The following EML6 variants were observed in gnomAD, a reference collection of about 807,000 sequenced individuals.
EML6 encodes echinoderm microtubule-associated protein-like 6.
Under a neutral mutation model 240.1 loss-of-function variants are expected in EML6, and 154 were observed. That is an observed-to-expected ratio of 0.64 (90% CI 0.56 to 0.73). The LOEUF is 0.73. Ranked by LOEUF, EML6 falls within the 30% of genes least tolerant of loss-of-function variation. The pLI is 0.00. For synonymous variants in EML6, 1,148 were observed against 899.0 expected (o/e 1.28, Z -4.95); for missense variants, 2,964 against 2,474.6 (o/e 1.20, Z -4.20).
At chr2:54,907,244 C>G (rs1015508039) in intron 24 of EML6, among the ~76,000 whole-genome samples, 1 of 152,200 alleles carries the variant, frequency 6.6e-6, no homozygotes, top group Non-Finnish European at 1.5e-5. Flanking sequence ...GGTGCGGTGG[C>G]TCACACCTGT....
intron 2 of EML6, among the ~76,000 whole-genome samples, chr2:54,791,254 GCA>G (rs1669435440): frequency 6.6e-6 from 1 of 152,198 alleles, no homozygotes; most frequent in African/African-American, 2.4e-5. Context: ...GGAAGTGACG[GCA>G]CAGTTACAGT....
intron 31 of EML6, among the ~76,000 whole-genome samples, chr2:54,953,249 T>A (rs994657271): frequency 6.6e-6 from 1 of 152,202 alleles, no homozygotes; most frequent in Non-Finnish European, 1.5e-5. Context: ...ATTTTAGCTA[T>A]TGTTTTCCCT....
Position 54,847,505 on chromosome 2 carries a change from C to CA in EML6, c.1070dup (p.His357GlnfsTer8). Reference sequence around the variant, plus strand: ...GCCTAGGCTGTGGAGCCTGGCTGATCATGCCTTGATCGCCCGCTGTAACAT... The same window carrying CA: ...GCCTAGGCTGTGGAGCCTGGCTGATCAATGCCTTGATCGCCCGCTGTAACAT... On this transcript the variant is annotated frameshift_variant, in exon 9 of 42. Transcript: ENST00000356458. LOFTEE classifies it high-confidence loss of function. 6.4e-7 allele frequency: 1 copy of CA among 1,551,724 alleles called. No homozygotes were observed. Among genetic ancestry groups the CA allele is most frequent in the Non-Finnish European group, 8.7e-7 (1 of 1,147,042 alleles).
At chr2:54,857,139 G>T (rs903194075) in intron 11 of EML6, among the ~76,000 whole-genome samples, 1 of 152,186 alleles carries the variant, frequency 6.6e-6, no homozygotes, top group Non-Finnish European at 1.5e-5. Flanking sequence ...GTGCACATAA[G>T]GGGAAGAGGA....
chr2:54,799,687 C>G (rs1299518408), intron 2 of EML6, among the ~76,000 whole-genome samples: 4 of 152,122 alleles, frequency 2.6e-5, no homozygotes, highest in African/African-American at 9.7e-5. Flanking sequence ...TTTGTAGTTG[C>G]AACAGAGACC....
In EML6 at chr2:54,937,867, G is replaced by A. The variant is rs148216451; in HGVS notation, c.4004+9116G>A. On this transcript the variant is annotated intron_variant, in intron 28 of 41. Transcript: ENST00000356458. The stretch of plus-strand genomic sequence containing the variant: ...GTATTTAAATCATTATGGAATCTCT[G>A]ACTTCTACAAGAGTTGGGTCAATGA... Among the ~76,000 whole-genome samples, 15 of 152,262 alleles carry A rather than the reference G, an allele frequency of 9.9e-5. No homozygotes were observed. In the East Asian group the frequency reaches 2.7e-3, roughly 27 times the overall value.
chr2:54,820,289 T>C, intron 4 of EML6, 105 bp from the exon 5 acceptor site: 1 of 685,208 alleles, frequency 1.5e-6, no homozygotes, highest in South Asian at 1.8e-5. Flanking sequence ...GCAGGTAACA[T>C]TGTGTTCTAA....
At chr2:54,799,214 C>A (rs898523963) in intron 2 of EML6, among the ~76,000 whole-genome samples, 2 of 152,104 alleles carry the variant, frequency 1.3e-5, no homozygotes. Context: ...GTGTGCACCA[C>A]CATGCCCAGC....
chr2:54,851,529 T>G (rs944667308), intron 10 of EML6, among the ~76,000 whole-genome samples: 3 of 152,228 alleles, frequency 2.0e-5, no homozygotes, highest in Non-Finnish European at 4.4e-5. Context: ...GAAACTGTGG[T>G]GCAACACTTG....
At chr2:54,927,604 A>G (rs1053784636) in intron 26 of EML6, among the ~76,000 whole-genome samples, 3 of 152,192 alleles carry the variant, frequency 2.0e-5, no homozygotes, top group Non-Finnish European at 2.9e-5. Context: ...ATTTTGCACC[A>G]CTTGTCAGGA....
At chr2:54,794,049 C>G (rs200388130) in intron 2 of EML6, among the ~76,000 whole-genome samples, 1 of 152,228 alleles carries the variant, frequency 6.6e-6, no homozygotes, top group East Asian at 1.9e-4. Flanking sequence ...TAAGCATTTT[C>G]CACTTTGCTG....
chr2:54,970,596 C>A lies in EML6; in HGVS notation c.*501C>A, dbSNP rs1676947246. On this transcript the variant is annotated 3_prime_UTR_variant, in exon 42 of 42. Transcript: ENST00000356458. Reference sequence around the variant, plus strand: ...CGCTAGCCTCTGTTCTCCAGTTTAGCTTTCAAAACCAAATGAGCCATGTAT... The same window carrying A: ...CGCTAGCCTCTGTTCTCCAGTTTAGATTTCAAAACCAAATGAGCCATGTAT... The A allele has an allele frequency of 1.3e-5, 2 of 155,806 alleles. No individual in the cohort carries two copies. The highest frequency in any genetic ancestry group is 2.9e-5 in the Non-Finnish European group (2 of 70,046). The allele number at this position is 155,806 out of a possible 1,614,324, so 9.7% of individuals were successfully genotyped here.
intron 2 of EML6, among the ~76,000 whole-genome samples, chr2:54,811,322 C>T (rs1375220001): frequency 1.3e-5 from 2 of 152,190 alleles, no homozygotes; most frequent in African/African-American, 4.8e-5. Context: ...CCCCTGCCTG[C>T]CTGACCCATC....
At chr2:54,865,455 C>A (rs115731347) in intron 13 of EML6, among the ~76,000 whole-genome samples, 1,556 of 152,156 alleles carry the variant, frequency 0.01, 21 homozygotes, top group African/African-American at 0.036. Context: ...CAGAGCAAGA[C>A]CCTGTCTCTA....
At chr2:54,730,984 A>G (rs999537999) in intron 2 of EML6, among the ~76,000 whole-genome samples, 1 of 152,220 alleles carries the variant, frequency 6.6e-6, no homozygotes, top group African/African-American at 2.4e-5. Flanking sequence ...AAGAAGAAAA[A>G]TAATCACAGA....
At chr2:54,734,487 G>T (rs1319878671) in intron 2 of EML6, among the ~76,000 whole-genome samples, 1 of 152,242 alleles carries the variant, frequency 6.6e-6, no homozygotes. Context: ...CCACTGGGGT[G>T]CCAGTGCTAC....
rs913006584 is a variant in EML6 at position 54,971,196 on chromosome 2, C to T, written c.*1101C>T. Reference sequence around the variant, plus strand: ...AATTATCTGCAGAACAAATTGTAAACCCAAGGAATAGCTGGTAAATCAAAA... The same window carrying T: ...AATTATCTGCAGAACAAATTGTAAATCCAAGGAATAGCTGGTAAATCAAAA... On this transcript the variant is annotated 3_prime_UTR_variant, in exon 42 of 42. Coordinates refer to ENST00000356458, the MANE Select transcript of EML6 (RefSeq NM_001039753.4). The T allele has an allele frequency of 7.9e-5, 12 of 152,272 alleles. No individual in the cohort carries two copies. The highest frequency in any genetic ancestry group is 1.8e-4 in the Non-Finnish European group (12 of 68,032). The allele number at this position is 152,272 out of a possible 1,614,324, so 9.4% of individuals were successfully genotyped here.
rs1046296996 is a variant in EML6 at position 54,967,265 on chromosome 2, T to C, written c.5597+162T>C. Reference sequence around the variant, plus strand: ...GGGAGGCTTCTTGGCTAGTCTAGTTTAGGTCACTGGCTTTGATCTGACCTA... The same window carrying C: ...GGGAGGCTTCTTGGCTAGTCTAGTTCAGGTCACTGGCTTTGATCTGACCTA... On this transcript the variant is annotated intron_variant, in intron 39 of 41. Coordinates refer to ENST00000356458, the MANE Select transcript of EML6 (RefSeq NM_001039753.4). The C allele has an allele frequency of 1.3e-5, 7 of 528,172 alleles. 1 individual carries two copies. In the South Asian group the frequency reaches 1.6e-4, roughly 12 times the overall value. 32.7% of individuals were successfully genotyped at this position (528,172 alleles called of 1,614,324 possible). A position where few individuals can be genotyped will look rare whatever the true frequency, so the allele number is the denominator to read the frequency against.
chr2:54,895,054 T>C (rs1049049318), intron 20 of EML6, 28 bp downstream of exon 20: 1 of 1,478,014 alleles, frequency 6.8e-7, no homozygotes, highest in Middle Eastern at 1.7e-4. Context: ...GTAATAGAGA[T>C]CTTTGTATTC....
Sources: allele counts gnomAD v4.1 joint callset (sites outside exome capture counted in the v4.1 genomes callset), GRCh38; gene constraint gnomAD v4.1.1; transcripts MANE v1.5; gene names NCBI Gene and HGNC (gene_info 2026-07-23, HGNC 2026-07-21).